The following PBX1 variants were observed in gnomAD, a reference collection of about 807,000 sequenced individuals.
PBX1 encodes PBX homeobox 1, also known as pre-B-cell leukemia transcription factor 1.
Under a neutral mutation model 53.4 loss-of-function variants are expected in PBX1, and 6 were observed. The ratio of observed to expected loss-of-function variants is 0.11; its 90% CI spans 0.06 to 0.22. PBX1 has a LOEUF of 0.22. Ranked by LOEUF, PBX1 falls within the 10% of genes least tolerant of loss-of-function variation. The pLI is 1.00. For missense variants in PBX1, 251 were observed against 551.4 expected (o/e 0.46, Z 5.46); for synonymous variants, 204 against 212.3 (o/e 0.96, Z 0.34).
intron 2 of PBX1, among the ~76,000 whole-genome samples, chr1:164,677,985 T>G (rs1661535537): frequency 1.3e-5 from 2 of 152,136 alleles, no homozygotes; most frequent in South Asian, 4.1e-4. Context: ...TTAAAGAAAA[T>G]GTATGGGTAG....
chr1:164,655,412 C>T (rs1002595735), intron 2 of PBX1, among the ~76,000 whole-genome samples: 10 of 152,178 alleles, frequency 6.6e-5, no homozygotes, highest in Non-Finnish European at 1.0e-4. Context: ...TGTGCCCGGC[C>T]TCTGAAGTCT....
chr1:164,723,737 A>C (rs1664531586), intron 2 of PBX1, among the ~76,000 whole-genome samples: 1 of 152,176 alleles, frequency 6.6e-6, no homozygotes, highest in African/African-American at 2.4e-5. Context: ...CCCCTATTTA[A>C]TGTCTGTCTC....
At chr1:164,839,391 C>T (rs1402602198) in intron 8 of PBX1, among the ~76,000 whole-genome samples, 1 of 152,188 alleles carries the variant, frequency 6.6e-6, no homozygotes, top group African/African-American at 2.4e-5. Flanking sequence ...TAAGTGATTA[C>T]AGCCAAAAAC....
intron 2 of PBX1, among the ~76,000 whole-genome samples, chr1:164,750,604 G>A (rs988422676): frequency 6.6e-6 from 1 of 152,174 alleles, no homozygotes; most frequent in Non-Finnish European, 1.5e-5. Context: ...GCTGCCCTTG[G>A]TTAGCACCAG....
At chr1:164,776,796 T>C (rs1386012907) in intron 2 of PBX1, among the ~76,000 whole-genome samples, 1 of 152,202 alleles carries the variant, frequency 6.6e-6, no homozygotes, top group African/African-American at 2.4e-5. Flanking sequence ...AATGAATCTG[T>C]GAGCTTAGTA....
Position 164,712,972 on chromosome 1 carries a change from C to T in PBX1, c.266-79522C>T, listed in dbSNP as rs540865785. 5.3e-5 allele frequency among the ~76,000 whole-genome samples: 8 copies of T among 152,332 alleles called. No individual in the cohort carries two copies. In the South Asian group the frequency reaches 1.2e-3, roughly 24 times the overall value. On this transcript the variant is annotated intron_variant, in intron 2 of 8. Transcript: ENST00000420696. ...CCAGAATGACTTGCCCTGCCCAACT[C>T]ATCATCCTTACACATGCCTAGAGGC... is the stretch of plus-strand genomic sequence containing the variant.
intron 2 of PBX1, among the ~76,000 whole-genome samples, chr1:164,673,056 T>C (rs1168942073): frequency 6.6e-6 from 1 of 152,232 alleles, no homozygotes; most frequent in Non-Finnish European, 1.5e-5. Context: ...CATGTGTATG[T>C]AATATAGTTC....
chr1:164,832,705 G>A (rs922642923), intron 8 of PBX1, among the ~76,000 whole-genome samples: 5 of 151,946 alleles, frequency 3.3e-5, no homozygotes, highest in African/African-American at 7.2e-5. Flanking sequence ...AAAAAGAAAA[G>A]TAGGAAGAAA....
At chr1:164,658,839 C>A (rs1009640683) in intron 2 of PBX1, among the ~76,000 whole-genome samples, 2 of 152,132 alleles carry the variant, frequency 1.3e-5, no homozygotes, top group Non-Finnish European at 2.9e-5. Flanking sequence ...GCACTACAAC[C>A]TTTTGAGGTA....
At chr1:164,629,850 A>T (rs373259395) in intron 2 of PBX1, among the ~76,000 whole-genome samples, 7 of 152,268 alleles carry the variant, frequency 4.6e-5, no homozygotes, top group African/African-American at 1.7e-4. Context: ...CTTTGATCAA[A>T]GGTAGGAGTT....
chr1:164,770,136 T>C (rs1053718262), intron 2 of PBX1: 1 of 152,220 alleles, frequency 6.6e-6, no homozygotes, highest in Non-Finnish European at 1.5e-5. Flanking sequence ...AGGTATAAAA[T>C]ACTATCAAAA....
At chr1:164,674,295 G>A (rs1275322639) in intron 2 of PBX1, among the ~76,000 whole-genome samples, 4 of 152,226 alleles carry the variant, frequency 2.6e-5, no homozygotes, top group African/African-American at 9.6e-5. Context: ...GGAAGGATGA[G>A]TTGACTCTAA....
At chr1:164,777,514 C>G (rs1459322252) in intron 2 of PBX1, among the ~76,000 whole-genome samples, 4 of 152,180 alleles carry the variant, frequency 2.6e-5, no homozygotes. Flanking sequence ...AAGCTAAACT[C>G]TGAGCATTTT....
chr1:164,754,640 ATTG>A (rs1204619223), intron 2 of PBX1, among the ~76,000 whole-genome samples: 10 of 151,866 alleles, frequency 6.6e-5, no homozygotes, highest in Admixed American at 3.3e-4. Flanking sequence ...AATTCAGTTT[ATTG>A]TTCTAAAACA....
chr1:164,689,824 C>T (rs1662355313), intron 2 of PBX1, among the ~76,000 whole-genome samples: 1 of 152,066 alleles, frequency 6.6e-6, no homozygotes, highest in African/African-American at 2.4e-5. Context: ...ATCTCTCTCT[C>T]CCCGTGCCCT....
intron 2 of PBX1, among the ~76,000 whole-genome samples, chr1:164,756,461 T>C (rs1215977482): frequency 6.6e-6 from 1 of 152,244 alleles, no homozygotes; most frequent in East Asian, 1.9e-4. Context: ...GCTGCACACA[T>C]ATGCTTATAA....
intron 2 of PBX1, among the ~76,000 whole-genome samples, chr1:164,666,996 A>C (rs1389866578): frequency 6.6e-6 from 1 of 152,108 alleles, no homozygotes; most frequent in Non-Finnish European, 1.5e-5. Flanking sequence ...TGAGATTTGA[A>C]CCCGAATTTG....
intron 2 of PBX1, among the ~76,000 whole-genome samples, chr1:164,737,968 C>A (rs1665391502): frequency 6.6e-6 from 1 of 151,908 alleles, no homozygotes; most frequent in Admixed American, 6.6e-5. Flanking sequence ...GAATTTCATT[C>A]TTTAAATGAA....
intron 2 of PBX1, among the ~76,000 whole-genome samples, chr1:164,864,087 T>C (rs536458073): frequency 6.6e-5 from 10 of 152,282 alleles, no homozygotes; most frequent in African/African-American, 2.4e-4. Context: ...TATTATCAAG[T>C]TATGTTTAAT....
Sources: allele counts gnomAD v4.1 joint callset (sites outside exome capture counted in the v4.1 genomes callset), GRCh38; gene constraint gnomAD v4.1.1; transcripts MANE v1.5; gene names NCBI Gene and HGNC (gene_info 2026-07-23, HGNC 2026-07-21).